Variants in NF1 observed in about 807,000 individuals in gnomAD.
NF1 encodes neurofibromin.
In NF1, 122 loss-of-function variants were observed where a neutral mutation model predicts 325.7. The ratio of observed to expected loss-of-function variants is 0.37; its 90% CI spans 0.32 to 0.44. NF1 has a LOEUF of 0.44. NF1 is among the 20% of genes least tolerant of loss of function. The pLI is 1.00. For synonymous variants in NF1, 1,091 were observed against 1,186.0 expected, an observed-to-expected ratio of 0.92 and a Z score of 1.65; for missense variants, 2,140 against 3,415.4, an observed-to-expected ratio of 0.63 and a Z score of 9.31.
chr17:31,109,202 GA>G (rs1213225858), intron 1 of NF1, among the ~76,000 whole-genome samples: 1 of 151,976 alleles, frequency 6.6e-6, no homozygotes, highest in Non-Finnish European at 1.5e-5. Context: ...TACTTTTCAT[GA>G]CTTCTGCAAG....
Position 31,374,385 on chromosome 17 carries a change from A to C in NF1, c.*230A>C, listed in dbSNP as rs914727330. 1 of 569,098 alleles carries C rather than the reference A, an allele frequency of 1.8e-6. No individual in the cohort carries two copies. Among genetic ancestry groups the C allele is most frequent in the Admixed American group, 3.0e-5 (1 of 33,696 alleles). The allele number at this position is 569,098 out of a possible 1,614,324, so 35.3% of individuals were successfully genotyped here. ...TCTACTTTTGGCGTGTATCTGGTAT[A>C]TGTAAGTGTTCAGAACAACTGCAAA... On this transcript the variant is annotated 3_prime_UTR_variant, in exon 58 of 58. Coordinates refer to ENST00000358273, the MANE Select transcript of NF1 (RefSeq NM_001042492.3).
rs548614109 is a variant in NF1, at chr17:31,106,466, C to A, written c.60+11097C>A. On this transcript the variant is annotated intron_variant, in intron 1 of 57. Transcript: ENST00000358273. The stretch of plus-strand genomic sequence containing the variant: ...CACAATCATATGATTATATAATTAA[C>A]TGAGTTAAACTAGAGTATGGATGTC... Among the ~76,000 whole-genome samples, 15 of 152,234 alleles carry A rather than the reference C, an allele frequency of 9.9e-5. 1 individual carries two copies. The South Asian group carries it at 3.1e-3, about 32-fold the overall frequency.
At position 31,181,801 on chromosome 17, in the gene NF1, A is replaced by ATTTTTTTTTTTTT. The variant is rs71142032; in HGVS notation, c.730+20_730+32dup. 54 of 1,218,954 alleles carry ATTTTTTTTTTTTT rather than the reference A, an allele frequency of 4.4e-5. No individual in the cohort carries two copies. The highest frequency in any genetic ancestry group is 5.8e-5 in the Admixed American group (3 of 51,434). 75.5% of individuals were successfully genotyped at this position (1,218,954 alleles called of 1,614,324 possible). A position where few individuals can be genotyped will look rare whatever the true frequency, so the allele number is the denominator to read the frequency against. ...GATATGGCTGGTAAGGATACGATTG[A>ATTTTTTTTTTTTT]TTTTTTTTTTTTTTTTGTCTTTTAA... On this transcript the variant is annotated intron_variant, in intron 7 of 57. Coordinates refer to ENST00000358273, the MANE Select transcript of NF1 (RefSeq NM_001042492.3).
chr17:31,196,643 A>G (rs2066438715), intron 8 of NF1, among the ~76,000 whole-genome samples: 1 of 151,410 alleles, frequency 6.6e-6, no homozygotes, highest in South Asian at 2.1e-4. Flanking sequence ...TTTTTCCTAT[A>G]TTTTCTTATA....
chr17:31,101,241 ACT>A (rs987493696), intron 1 of NF1, among the ~76,000 whole-genome samples: 3 of 151,112 alleles, frequency 2.0e-5, no homozygotes, highest in African/African-American at 4.9e-5. Flanking sequence ...GTGATGTTCC[ACT>A]CCCCCCGGAA....
rs190144445 is a variant in NF1, at chr17:31,374,739, G to C, written c.*584G>C. The C allele has an allele frequency of 5.9e-3, 1,370 of 234,128 alleles. 7 individuals carry two copies. Among genetic ancestry groups the C allele is most frequent in the East Asian group, 0.013 (214 of 16,478 alleles). The allele number at this position is 234,128 out of a possible 1,614,324, so 14.5% of individuals were successfully genotyped here. A position where few individuals can be genotyped will look rare whatever the true frequency, so the allele number is the denominator to read the frequency against. ...CATAAAGCCACAGACAAGGTACTTG[G>C]GGGGGAGGGCAGGGAAATTTCATAT... On this transcript the variant is annotated 3_prime_UTR_variant, in exon 58 of 58. Coordinates refer to ENST00000358273, the MANE Select transcript of NF1 (RefSeq NM_001042492.3).
rs532984264 is a variant in NF1, at chr17:31,374,737, T to G, written c.*582T>G. 1.2e-3 allele frequency: 261 copies of G among 222,774 alleles called. 1 individual carries two copies. The highest frequency in any genetic ancestry group is 5.5e-3 in the African/African-American group (247 of 44,734). 13.8% of individuals were successfully genotyped at this position (222,774 alleles called of 1,614,324 possible). A position where few individuals can be genotyped will look rare whatever the true frequency, so the allele number is the denominator to read the frequency against. The stretch of plus-strand genomic sequence containing the variant: ...ACCATAAAGCCACAGACAAGGTACT[T>G]GGGGGGGAGGGCAGGGAAATTTCAT... On this transcript the variant is annotated 3_prime_UTR_variant, in exon 58 of 58. Transcript: ENST00000358273.
At chr17:31,158,198 A>G (rs1251661824) in intron 2 of NF1, among the ~76,000 whole-genome samples, 2 of 152,116 alleles carry the variant, frequency 1.3e-5, no homozygotes, top group Non-Finnish European at 2.9e-5. Context: ...TGTTCGCATC[A>G]TCCTTGGTGT....
chr17:31,139,836 T>C (rs1288310154), intron 1 of NF1, among the ~76,000 whole-genome samples: 1 of 152,186 alleles, frequency 6.6e-6, no homozygotes, highest in East Asian at 1.9e-4. Context: ...ATTTTACAGT[T>C]CAAGTTTGTA....
chr17:31,349,505 G>A (rs1393567355), intron 49 of NF1, among the ~76,000 whole-genome samples: 1 of 152,138 alleles, frequency 6.6e-6, no homozygotes, highest in African/African-American at 2.4e-5. Context: ...GTGGCTCTCT[G>A]TTATCTGTCA....
At chr17:31,232,980 T>G in intron 26 of NF1, 22 bp from the exon 27 acceptor site, 1 of 1,614,120 alleles carries the variant, frequency 6.2e-7, no homozygotes. Context: ...TTAGTAAATT[T>G]GCATCTGTTT....
In NF1 at chr17:31,330,352, A is replaced by T. The variant is rs2069449887; in HGVS notation, c.5666A>T (p.Glu1889Val). The T allele has an allele frequency of 6.2e-7, 1 of 1,614,064 alleles. No homozygotes were observed. The highest frequency in any genetic ancestry group is 8.5e-7 in the Non-Finnish European group (1 of 1,179,952). The stretch of plus-strand genomic sequence containing the variant: ...ACTTGTACCTTTAATTTAAAAATCG[A>T]GGGCCAGTTACTAGAGACATCAGGT... ...ALTCTFNLKIEGQLLETSGLC... is the reference protein window; with the variant it reads ...ALTCTFNLKIVGQLLETSGLC... The change falls in exon 39 of 58, where the codon GAG becomes GTG. Residue 1889 changes from glutamate to valine, a missense_variant. Coordinates refer to ENST00000358273, the MANE Select transcript of NF1 (RefSeq NM_001042492.3).
chr17:31,267,157 CT>C (rs1252417298), intron 36 of NF1, among the ~76,000 whole-genome samples: 2 of 152,110 alleles, frequency 1.3e-5, no homozygotes, highest in Admixed American at 6.5e-5. Flanking sequence ...TCTTGAACTC[CT>C]GACCTCAGGT....
chr17:31,121,164 A>T (rs1914394478), intron 1 of NF1, among the ~76,000 whole-genome samples: 1 of 152,204 alleles, frequency 6.6e-6, no homozygotes, highest in South Asian at 2.1e-4. Context: ...TGAGTTTTAA[A>T]CCATATTTTA....
chr17:31,137,510 G>A (rs1915864996), intron 1 of NF1: 1 of 152,080 alleles, frequency 6.6e-6, no homozygotes, highest in South Asian at 2.1e-4. Context: ...GGTCAAACCT[G>A]TTAATCTGTT....
intron 1 of NF1, chr17:31,136,845 A>G (rs1242257784): frequency 6.6e-6 from 1 of 152,180 alleles, no homozygotes; most frequent in African/African-American, 2.4e-5. Context: ...TAGTATATAT[A>G]TAGGGTTCAG....
At chr17:31,142,407 A>G (rs1200043604) in intron 1 of NF1, among the ~76,000 whole-genome samples, 1 of 152,172 alleles carries the variant, frequency 6.6e-6, no homozygotes, top group Non-Finnish European at 1.5e-5. Context: ...CCTTATTCTT[A>G]CCTCTCAAAT....
At chr17:31,214,341 A>G in intron 12 of NF1, 110 bp from the exon 13 acceptor site, 2 of 809,964 alleles carry the variant, frequency 2.5e-6, no homozygotes, top group South Asian at 3.5e-5. Context: ...ATTTGGTAGT[A>G]TAAAAAATAG....
At chr17:31,215,520 C>G (rs1244591285) in intron 13 of NF1, among the ~76,000 whole-genome samples, 4 of 152,174 alleles carry the variant, frequency 2.6e-5, no homozygotes, top group African/African-American at 9.7e-5. Context: ...TAGTTCCTAT[C>G]TCAGAGATAC....
Sources: allele counts gnomAD v4.1 joint callset (sites outside exome capture counted in the v4.1 genomes callset), GRCh38; gene constraint gnomAD v4.1.1; transcripts MANE v1.5; gene names NCBI Gene and HGNC (gene_info 2026-07-23, HGNC 2026-07-21).